Variants in CCDC14 observed in about 807,000 individuals in gnomAD.
CCDC14 encodes coiled-coil domain-containing protein 14.
Under a neutral mutation model 81.4 loss-of-function variants are expected in CCDC14, and 71 were observed. That is an observed-to-expected ratio of 0.87 (90% CI 0.72 to 1.06). The LOEUF (loss-of-function observed/expected upper bound fraction) is 1.06. CCDC14 is among the 50% of genes least tolerant of loss of function. The probability of loss-of-function intolerance (pLI) is 0.00; values close to 1 mark genes in which losing one functional copy is unlikely to be tolerated. For synonymous variants in CCDC14, 332 were observed against 364.8 expected, an observed-to-expected ratio of 0.91 and a Z score of 1.03; for missense variants, 1,046 against 1,047.3, an observed-to-expected ratio of 1.00 and a Z score of 0.02.
chr3:123,887,924 T>G, the CCDC14 span, among the ~76,000 whole-genome samples: 1 of 152,266 alleles, frequency 6.6e-6, no homozygotes, highest in Middle Eastern at 3.4e-3. Context: ...TTTAATTTCT[T>G]TCTTCATTTG....
chr3:123,949,868 T>C (rs956863386), intron 5 of CCDC14, among the ~76,000 whole-genome samples: 1 of 152,208 alleles, frequency 6.6e-6, no homozygotes, highest in Non-Finnish European at 1.5e-5. Context: ...ACATATTGTC[T>C]ATAGAAATCA....
chr3:123,913,436 T>C lies in CCDC14; in HGVS notation c.*1343A>G. 2 of 980,736 alleles carry C rather than the reference T, an allele frequency of 2.0e-6. No homozygotes were observed. Among genetic ancestry groups the C allele is most frequent in the Non-Finnish European group, 2.4e-6 (2 of 825,748 alleles). 60.8% of individuals were successfully genotyped at this position (980,736 alleles called of 1,614,324 possible). A position where few individuals can be genotyped will look rare whatever the true frequency, so the allele number is the denominator to read the frequency against. ...AGATGACACAATTTTTTTCCTTTTT[T>C]ATTATTTTTTATTTCTGAACTTATT... is the stretch of plus-strand genomic sequence containing the variant. On this transcript the variant is annotated 3_prime_UTR_variant, in exon 13 of 13. Coordinates refer to ENST00000409697, the MANE Select transcript of CCDC14 (RefSeq NM_001366335.1).
At chr3:123,897,053 C>T (rs1474325193), downstream of CCDC14, among the ~76,000 whole-genome samples, 1 of 152,126 alleles carries the variant, frequency 6.6e-6, no homozygotes, top group Admixed American at 6.5e-5. Context: ...AATCATACAA[C>T]TGGTAAGTGA....
At chr3:123,923,706 T>A (rs1453144270) in intron 12 of CCDC14, among the ~76,000 whole-genome samples, 1 of 151,030 alleles carries the variant, frequency 6.6e-6, no homozygotes, top group Non-Finnish European at 1.5e-5. Context: ...AGGTGAACAA[T>A]ACACATATAT....
chr3:123,914,706 A>T lies in CCDC14; in HGVS notation c.*73T>A. On this transcript the variant is annotated 3_prime_UTR_variant, in exon 13 of 13. Transcript: ENST00000409697. ...TAATAACATAAAACATCATTTCACT[A>T]AAGAAAAATACACATTCAATATAGC... is the stretch of plus-strand genomic sequence containing the variant. The T allele has an allele frequency of 6.9e-7, 1 of 1,447,618 alleles. No homozygotes were observed. The allele number at this position is 1,447,618 out of a possible 1,614,324, so 89.7% of individuals were successfully genotyped here.
At chr3:123,892,167 G>A in the CCDC14 span, among the ~76,000 whole-genome samples, 4 of 152,224 alleles carry the variant, frequency 2.6e-5, no homozygotes, top group Non-Finnish European at 5.9e-5. Flanking sequence ...GCTATAAGAT[G>A]AGATTTGGGT....
chr3:123,961,044 CTT>C (rs980656916), intron 1 of CCDC14, 98 bp downstream of exon 1: 7 of 1,076,224 alleles, frequency 6.5e-6, no homozygotes, highest in African/African-American at 1.6e-5. Flanking sequence ...GCCGCATTGT[CTT>C]TGTCTTTTTT....
At chr3:123,941,669 G>A (rs2036357170) in intron 9 of CCDC14, among the ~76,000 whole-genome samples, 1 of 151,882 alleles carries the variant, frequency 6.6e-6, no homozygotes, top group Admixed American at 6.6e-5. Context: ...AAACAACAGT[G>A]GCAATAGCAT....
chr3:123,914,698 A>G lies in CCDC14; in HGVS notation c.*81T>C, dbSNP rs968841890. ...TTCACACATAATAACATAAAACATC[A>G]TTTCACTAAAGAAAAATACACATTC... On this transcript the variant is annotated 3_prime_UTR_variant, in exon 13 of 13. Transcript: ENST00000409697. The G allele has an allele frequency of 4.7e-5, 68 of 1,446,384 alleles. No individual in the cohort carries two copies. Among genetic ancestry groups the G allele is most frequent in the Non-Finnish European group, 5.6e-5 (62 of 1,100,198 alleles). The allele number at this position is 1,446,384 out of a possible 1,614,324, so 89.6% of individuals were successfully genotyped here.
intron 1 of CCDC14, 151 bp downstream of exon 1, chr3:123,960,993 A>AT (rs2037650216): frequency 1.2e-5 from 8 of 664,244 alleles, no homozygotes; most frequent in Non-Finnish European, 2.0e-5. Context: ...CGACGGGAAG[A>AT]TTAGGTGTTC....
Position 123,947,107 on chromosome 3 carries a change from T to A in CCDC14, c.897A>T (p.Leu299=). Residue 299 remains leucine (L), a synonymous_variant, in exon 8 of 13, where the codon CTA becomes CTT. Coordinates refer to ENST00000409697, the MANE Select transcript of CCDC14 (RefSeq NM_001366335.1). The stretch of plus-strand genomic sequence containing the variant: ...ACAAATATGTTTGAATACATTTTAG[T>A]AGGTCTGTTTCCTTATGAATTCCTT... The part of the protein sequence containing the change: ...PQQGIHKETD[L]LKCIQTYLSL... The A allele has an allele frequency of 6.2e-7, 1 of 1,614,004 alleles. No homozygotes were observed. The highest frequency in any genetic ancestry group is 2.2e-5 in the East Asian group (1 of 44,886).
In CCDC14 at chr3:123,915,384, G is replaced by T. The variant is rs755866458; in HGVS notation, c.2113C>A (p.Leu705Ile). ...CCTTCATCAGAATCCTGTTTTGAAA[G>T]GGCAGAAATAATTCCAGGTGCAGAT... ...EASAPGIISA[L>I]SKQDSDEGSE... Residue 705 changes from leucine to isoleucine, a missense_variant, in exon 13 of 13, where the codon CTT becomes ATT. Physicochemically the swap from Leu to Ile is conservative, Grantham distance 5. Coordinates refer to ENST00000409697, the MANE Select transcript of CCDC14 (RefSeq NM_001366335.1). The T allele has an allele frequency of 6.2e-7, 1 of 1,613,582 alleles. No homozygotes were observed. The highest frequency in any genetic ancestry group is 1.1e-5 in the South Asian group (1 of 90,996).
chr3:123,898,232 A>G (rs1314642915), intron 5 of CCDC14, among the ~76,000 whole-genome samples: 1 of 152,212 alleles, frequency 6.6e-6, no homozygotes, highest in African/African-American at 2.4e-5. Flanking sequence ...AGTGCGATAA[A>G]TAAACCCCAT....
chr3:123,899,240 C>T (rs1353830355), intron 5 of CCDC14, among the ~76,000 whole-genome samples: 1 of 152,184 alleles, frequency 6.6e-6, no homozygotes, highest in East Asian at 1.9e-4. Context: ...TATTCATCTG[C>T]TAGCTTAAGT....
chr3:123,895,844 C>T (rs200638432), downstream of CCDC14, among the ~76,000 whole-genome samples: 17 of 152,248 alleles, frequency 1.1e-4, no homozygotes, highest in East Asian at 1.5e-3. Context: ...TACAACATTA[C>T]GGAAAACAGT....
At chr3:123,945,037 A>C in intron 8 of CCDC14, 47 bp from the exon 9 acceptor site, 3 of 1,389,800 alleles carry the variant, frequency 2.2e-6, no homozygotes, top group Non-Finnish European at 2.0e-6. Flanking sequence ...ATATTTTTGG[A>C]CAAGATTATT....
At chr3:123,907,842 G>C (rs1490232467) in intron 5 of CCDC14, among the ~76,000 whole-genome samples, 5 of 151,682 alleles carry the variant, frequency 3.3e-5, no homozygotes, top group Non-Finnish European at 5.9e-5. Context: ...ACTCCTGCTT[G>C]ATAACTCCTG....
Position 123,947,049 on chromosome 3 carries a change from G to T in CCDC14, c.955C>A (p.Leu319Met), listed in dbSNP as rs2036670778. The T allele has an allele frequency of 6.2e-7, 1 of 1,613,996 alleles. No individual in the cohort carries two copies. Among genetic ancestry groups the T allele is most frequent in the East Asian group, 2.2e-5 (1 of 44,884 alleles). ...GGGCTTCGGTGTGTCTGACTGTCCA[G>T]ATGCGTTTCTTTTCCATGAGATCGA... ...LFRSHGKETH[L>M]DSQTHRSPTQ... is the part of the protein sequence containing the mutation. The change falls in exon 8 of 13, where the codon CTG becomes ATG. Residue 319 changes from leucine to methionine, a missense_variant. Coordinates refer to ENST00000409697, the MANE Select transcript of CCDC14 (RefSeq NM_001366335.1).
intron 12 of CCDC14, among the ~76,000 whole-genome samples, chr3:123,920,052 CAAAG>C (rs1249736909): frequency 1.3e-5 from 2 of 151,702 alleles, no homozygotes; most frequent in African/African-American, 2.4e-5. Flanking sequence ...ATAAGTTTGA[CAAAG>C]AAATAGAAAC....
Sources: gnomAD v4.1 joint callset for allele counts (sites outside exome capture counted in the v4.1 genomes callset) on GRCh38, gnomAD v4.1.1 for gene constraint, MANE v1.5 for transcripts, NCBI Gene and HGNC (gene_info 2026-07-23, HGNC 2026-07-21) for gene names.